The following RTN1 variants were observed in gnomAD, a reference collection of about 807,000 sequenced individuals.
RTN1 encodes the protein reticulon-1.
A neutral mutation model predicts 65.5 loss-of-function variants in RTN1; 25 were observed. That is an observed-to-expected ratio of 0.38 (90% CI 0.28 to 0.53). RTN1 has a LOEUF of 0.53. Among genes scored for constraint, RTN1 ranks in the 20% least tolerant of loss-of-function variants. The probability of loss-of-function intolerance (pLI) is 0.79; values close to 1 mark genes in which losing one functional copy is unlikely to be tolerated. For missense variants in RTN1, 983 were observed against 1,025.4 expected (o/e 0.96, Z 0.57); for synonymous variants, 471 against 447.6 (o/e 1.05, Z -0.66).
intron 1 of RTN1, among the ~76,000 whole-genome samples, chr14:59,758,518 A>C (rs1185201051): frequency 2.0e-5 from 3 of 152,112 alleles, no homozygotes; most frequent in Non-Finnish European, 4.4e-5. Flanking sequence ...CCTTCTCCTC[A>C]ATTGAAAGGC....
chr14:59,618,660 G>A (rs1365158285), intron 3 of RTN1, among the ~76,000 whole-genome samples: 1 of 152,220 alleles, frequency 6.6e-6, no homozygotes, highest in African/African-American at 2.4e-5. Context: ...GTTAATAGGA[G>A]AATCAGGATC....
intron 1 of RTN1, among the ~76,000 whole-genome samples, chr14:59,750,274 A>C (rs1171226097): frequency 1.5e-5 from 1 of 68,320 alleles, no homozygotes; most frequent in Non-Finnish European, 2.4e-5. Flanking sequence ...TAATATCTAT[A>C]ATATATAATA....
At chr14:59,819,900 A>G (rs1284099861) in intron 1 of RTN1, among the ~76,000 whole-genome samples, 2 of 152,018 alleles carry the variant, frequency 1.3e-5, no homozygotes, top group Non-Finnish European at 2.9e-5. Flanking sequence ...CCCAGAACTC[A>G]GCCCTGGTTC....
At chr14:59,597,170 A>G (rs1203961915) in intron 8 of RTN1, among the ~76,000 whole-genome samples, 1 of 152,222 alleles carries the variant, frequency 6.6e-6, no homozygotes. Flanking sequence ...GATGAGCATA[A>G]GTAGGGATGG....
At chr14:59,847,515 T>C (rs1411666481) in intron 1 of RTN1, among the ~76,000 whole-genome samples, 3 of 152,248 alleles carry the variant, frequency 2.0e-5, no homozygotes, top group Non-Finnish European at 2.9e-5. Flanking sequence ...CTGTTTTGTT[T>C]TGCTCATGTG....
At chr14:59,785,390 A>AT (rs770212177) in intron 1 of RTN1, among the ~76,000 whole-genome samples, 2 of 152,232 alleles carry the variant, frequency 1.3e-5, no homozygotes, top group African/African-American at 2.4e-5. Flanking sequence ...CATAATGTAA[A>AT]TACATTACTA....
chr14:59,675,168 GA>G (rs1043906122), intron 3 of RTN1, among the ~76,000 whole-genome samples: 2 of 152,084 alleles, frequency 1.3e-5, no homozygotes, highest in African/African-American at 4.8e-5. Context: ...GGCTAACCAA[GA>G]TATGGTAAAG....
At chr14:59,863,223 C>T (rs181959868) in intron 1 of RTN1, among the ~76,000 whole-genome samples, 23 of 152,236 alleles carry the variant, frequency 1.5e-4, no homozygotes, top group African/African-American at 5.1e-4. Flanking sequence ...AAATACTTTC[C>T]CTTCTTTTCA....
At chr14:59,865,089 G>A (rs903354741) in intron 1 of RTN1, among the ~76,000 whole-genome samples, 5 of 152,124 alleles carry the variant, frequency 3.3e-5, no homozygotes, top group African/African-American at 9.7e-5. Flanking sequence ...GGGAAATAAT[G>A]TTGTACAGGC....
Position 59,654,231 on chromosome 14 carries a change from G to A in RTN1, c.1766-46739C>T, listed in dbSNP as rs569681493. Among the ~76,000 whole-genome samples, 19 of 152,226 alleles carry A rather than the reference G, an allele frequency of 1.2e-4. 1 individual carries two copies. In the South Asian group the frequency reaches 3.7e-3, roughly 30 times the overall value. On this transcript the variant is annotated intron_variant, in intron 3 of 8. Transcript: ENST00000267484. ...ACCTGAGGTCGGGAGTTCGAGAACA[G>A]CCTGGCCAATGTGGCGAAACCCCGT... is the stretch of plus-strand genomic sequence containing the variant.
chr14:59,661,580 T>C (rs1278199529), intron 3 of RTN1, among the ~76,000 whole-genome samples: 1 of 152,236 alleles, frequency 6.6e-6, no homozygotes, highest in Non-Finnish European at 1.5e-5. Flanking sequence ...ATCACTGGGA[T>C]GCAAGGCTGG....
At chr14:59,730,391 C>A (rs1481112929) in intron 2 of RTN1, among the ~76,000 whole-genome samples, 1 of 151,958 alleles carries the variant, frequency 6.6e-6, no homozygotes, top group Admixed American at 6.6e-5. Flanking sequence ...GGGTCAATAG[C>A]CTAAATATAA....
intron 3 of RTN1, among the ~76,000 whole-genome samples, chr14:59,713,963 C>T (rs761909623): frequency 5.3e-5 from 8 of 152,098 alleles, no homozygotes; most frequent in African/African-American, 9.7e-5. Flanking sequence ...AGGCCGGGTG[C>T]GGTGGGTCAC....
At chr14:59,749,364 A>ATATC (rs1885340645) in intron 1 of RTN1, among the ~76,000 whole-genome samples, 1 of 77,568 alleles carries the variant, frequency 1.3e-5, no homozygotes, top group African/African-American at 8.6e-5. Flanking sequence ...ATATCTATAT[A>ATATC]TATATCTATA....
intron 1 of RTN1, among the ~76,000 whole-genome samples, chr14:59,750,979 A>C (rs1431563051): frequency 3.3e-5 from 4 of 120,616 alleles, no homozygotes; most frequent in Non-Finnish European, 3.3e-5. Flanking sequence ...TGGCCTCCCA[A>C]AGTGCTGGGA....
chr14:59,748,543 T>A (rs915593477), intron 1 of RTN1, among the ~76,000 whole-genome samples: 1 of 152,046 alleles, frequency 6.6e-6, no homozygotes, highest in African/African-American at 2.4e-5. Flanking sequence ...CTCCTGGCAA[T>A]CCTATTCGCT....
chr14:59,805,702 T>C (rs997272951), intron 1 of RTN1, among the ~76,000 whole-genome samples: 1 of 152,208 alleles, frequency 6.6e-6, no homozygotes, highest in Admixed American at 6.5e-5. Flanking sequence ...GTCTTTATTA[T>C]CCATCAGCTA....
chr14:59,635,074 T>A (rs1002561167), intron 3 of RTN1, among the ~76,000 whole-genome samples: 2 of 152,174 alleles, frequency 1.3e-5, no homozygotes, highest in South Asian at 2.1e-4. Context: ...CAATCAGCCC[T>A]TAGCAAGACA....
chr14:59,656,603 C>T (rs1883127710), intron 3 of RTN1, among the ~76,000 whole-genome samples: 1 of 152,184 alleles, frequency 6.6e-6, no homozygotes, highest in Non-Finnish European at 1.5e-5. Context: ...TTAGCCCTCC[C>T]TCTAGGCCAG....
Sources: allele counts gnomAD v4.1 joint callset (sites outside exome capture counted in the v4.1 genomes callset), GRCh38; gene constraint gnomAD v4.1.1; transcripts MANE v1.5; gene names NCBI Gene and HGNC (gene_info 2026-07-23, HGNC 2026-07-21).